Variants in ADARB1 observed in about 807,000 individuals in gnomAD.
ADARB1 encodes the protein adenosine deaminase RNA specific B1, also known as double-stranded RNA-specific editase 1.
A neutral mutation model predicts 52.4 loss-of-function variants in ADARB1; 10 were observed. The ratio of observed to expected loss-of-function variants is 0.19; its 90% CI spans 0.12 to 0.32. ADARB1 has a LOEUF of 0.32. ADARB1 is among the 10% of genes least tolerant of loss of function. The pLI, the probability that ADARB1 is intolerant of heterozygous loss-of-function variation, is 1.00. For missense variants in ADARB1, 643 were observed against 922.3 expected (o/e 0.70, Z 3.92); for synonymous variants, 349 against 371.1 (o/e 0.94, Z 0.68).
intron 2 of ADARB1, among the ~76,000 whole-genome samples, chr21:45,135,366 C>T (rs1310259367): frequency 2.0e-5 from 3 of 152,268 alleles, no homozygotes; most frequent in Non-Finnish European, 4.4e-5. Flanking sequence ...CTGTCTGCAT[C>T]CTCCTGGCAC....
chr21:45,151,927 C>T (rs138640234), intron 2 of ADARB1, among the ~76,000 whole-genome samples: 43 of 152,326 alleles, frequency 2.8e-4, no homozygotes, highest in African/African-American at 9.9e-4. Flanking sequence ...GTGTCATTCA[C>T]CTGGGGCATG....
At chr21:45,084,658 A>C (rs1281310576) in intron 1 of ADARB1, among the ~76,000 whole-genome samples, 3 of 152,212 alleles carry the variant, frequency 2.0e-5, no homozygotes, top group African/African-American at 7.2e-5. Flanking sequence ...GTAGTAGTTA[A>C]TATTTCATTA....
Position 45,208,724 on chromosome 21 carries a change from G to A in ADARB1, c.1747+3988G>A, listed in dbSNP as rs568609640. Among the ~76,000 whole-genome samples the A allele has an allele frequency of 6.6e-6, 1 of 152,048 alleles. No individual in the cohort carries two copies. Among genetic ancestry groups the A allele is most frequent in the South Asian group, 2.1e-4 (1 of 4,810 alleles). On this transcript the variant is annotated intron_variant, in intron 9 of 10. Transcript: ENST00000348831. This position sits in a 1 kb window ranked among gnomAD's most constrained non-coding sequence, Gnocchi z 5.6. ...TGCACGCTCACATGAGTGTATGAGA[G>A]AGAGAGTGTGTGTGTGTGTGTATGC...
At chr21:45,175,662 C>A (rs956880780) in intron 3 of ADARB1, 68 bp from the exon 4 acceptor site, 3 of 1,480,026 alleles carry the variant, frequency 2.0e-6, no homozygotes, top group Non-Finnish European at 2.8e-6. Flanking sequence ...CTAAAGGAAT[C>A]TATAAATTTT....
At chr21:45,131,580 TCTC>T (rs1229203806) in intron 2 of ADARB1, among the ~76,000 whole-genome samples, 1 of 152,146 alleles carries the variant, frequency 6.6e-6, no homozygotes, top group Non-Finnish European at 1.5e-5. Flanking sequence ...CTACGCCACT[TCTC>T]ATGTTGCTAC....
chr21:45,160,131 C>T (rs1569092608), intron 2 of ADARB1, among the ~76,000 whole-genome samples: 1 of 152,190 alleles, frequency 6.6e-6, no homozygotes. Flanking sequence ...CCAGGCCCAT[C>T]GGGTAGGGGC....
chr21:45,126,133 T>C (rs2088562762), intron 1 of ADARB1, among the ~76,000 whole-genome samples: 1 of 152,250 alleles, frequency 6.6e-6, no homozygotes, highest in Non-Finnish European at 1.5e-5. Flanking sequence ...CTAGTTATAC[T>C]TGGCTTGTTA....
rs147048438 is a variant in ADARB1 at position 45,163,034 on chromosome 21, C to CG, written c.-47-8574dup. On this transcript the variant is annotated intron_variant, in intron 2 of 10. Transcript: ENST00000348831. The stretch of plus-strand genomic sequence containing the variant: ...ACTCGGCCAACTGTCGTTTTGCAGA[C>CG]GGCAGGCTGGTCAGAGGCTTCCCAT... Among the ~76,000 whole-genome samples, 652 of 152,342 alleles carry CG rather than the reference C, an allele frequency of 4.3e-3. 6 individuals are homozygous for CG. Among genetic ancestry groups the CG allele is most frequent in the African/African-American group, 0.015 (615 of 41,578 alleles).
At chr21:45,132,032 T>C (rs964800861) in intron 2 of ADARB1, among the ~76,000 whole-genome samples, 1 of 152,240 alleles carries the variant, frequency 6.6e-6, no homozygotes, top group Non-Finnish European at 1.5e-5. Context: ...TCCTCAGATA[T>C]TGTGACAAAA....
chr21:45,153,851 A>T (rs2090426423), intron 2 of ADARB1, among the ~76,000 whole-genome samples: 1 of 152,172 alleles, frequency 6.6e-6, no homozygotes, highest in Non-Finnish European at 1.5e-5. Context: ...CCCTCACCTC[A>T]AGAGGTCACA....
intron 2 of ADARB1, among the ~76,000 whole-genome samples, chr21:45,138,030 G>A (rs541693818): frequency 6.6e-6 from 1 of 152,206 alleles, no homozygotes; most frequent in Non-Finnish European, 1.5e-5. Context: ...AGAAGCGATA[G>A]AGTATAGCTC....
chr21:45,086,007 G>A (rs1219472879), intron 1 of ADARB1, among the ~76,000 whole-genome samples: 2 of 152,238 alleles, frequency 1.3e-5, no homozygotes, highest in African/African-American at 4.8e-5. Flanking sequence ...AGCCCTTGCT[G>A]TAGGAAAAGG....
chr21:45,114,210 A>G (rs2087706368), intron 1 of ADARB1, among the ~76,000 whole-genome samples: 1 of 152,184 alleles, frequency 6.6e-6, no homozygotes, highest in Non-Finnish European at 1.5e-5. Context: ...CAGCTTTTAG[A>G]TGGAGTCATA....
chr21:45,209,685 A>C (rs2092731184), intron 9 of ADARB1, among the ~76,000 whole-genome samples: 1 of 152,110 alleles, frequency 6.6e-6, no homozygotes, highest in African/African-American at 2.4e-5. Context: ...CGTTACATTT[A>C]TCTATTTTCC....
At position 45,172,675 on chromosome 21, in the gene ADARB1, A is replaced by G. The variant is rs564452678; in HGVS notation, c.28+991A>G. Among the ~76,000 whole-genome samples, 7 of 152,206 alleles carry G rather than the reference A, an allele frequency of 4.6e-5. No homozygotes were observed. Among genetic ancestry groups the G allele is most frequent in the African/African-American group, 7.2e-5 (3 of 41,522 alleles). ...GTGGAGGCGGCTGGGCCTCTGCTCT[A>G]TGGACTGTGTGCTAAGTGTTGGCTT... On this transcript the variant is annotated intron_variant, in intron 3 of 10. Transcript: ENST00000348831. This position sits in a 1 kb window ranked among gnomAD's most constrained non-coding sequence, Gnocchi z 4.4.
In ADARB1 at chr21:45,126,085, A is replaced by G. The variant is rs186457207; in HGVS notation, c.-219-2317A>G. Among the ~76,000 whole-genome samples, 384 of 152,328 alleles carry G rather than the reference A, an allele frequency of 2.5e-3. 2 individuals are homozygous for G. Among genetic ancestry groups the G allele is most frequent in the Non-Finnish European group, 2.9e-3 (194 of 68,024 alleles). The stretch of plus-strand genomic sequence containing the variant: ...ATTTTCTTTTGTCTATGGATTATTT[A>G]GAAGTGTATTGCTGAACTCTCAGAC... On this transcript the variant is annotated intron_variant, in intron 1 of 10. Coordinates refer to ENST00000348831, the MANE Select transcript of ADARB1 (RefSeq NM_001112.4).
chr21:45,213,523 A>T (rs2092808274), intron 9 of ADARB1, among the ~76,000 whole-genome samples: 2 of 152,108 alleles, frequency 1.3e-5, no homozygotes, highest in Admixed American at 6.5e-5. Flanking sequence ...CCACTTCAAA[A>T]TTGTCTTAGT....
Position 45,224,739 on chromosome 21 carries a change from G to A in ADARB1, c.*2542G>A, listed in dbSNP as rs1347460473. ...GGGGAGCCCTGGGCGGGGCGGCTGT[G>A]GGGAGGAAGGTGACGTGCAGGGGAC... On this transcript the variant is annotated 3_prime_UTR_variant, in exon 11 of 11. Coordinates refer to ENST00000348831, the MANE Select transcript of ADARB1 (RefSeq NM_001112.4). The A allele has an allele frequency of 5.8e-5, 57 of 982,562 alleles. No individual in the cohort carries two copies. The highest frequency in any genetic ancestry group is 6.5e-5 in the Non-Finnish European group (54 of 831,354). 60.9% of individuals were successfully genotyped at this position (982,562 alleles called of 1,614,324 possible).
Position 45,222,832 on chromosome 21 carries a change from G to A in ADARB1, c.*635G>A. The A allele has an allele frequency of 1.0e-6, 1 of 985,544 alleles. No homozygotes were observed. The highest frequency in any genetic ancestry group is 1.2e-6 in the Non-Finnish European group (1 of 830,034). 61.0% of individuals were successfully genotyped at this position (985,544 alleles called of 1,614,324 possible). A position where few individuals can be genotyped will look rare whatever the true frequency, so the allele number is the denominator to read the frequency against. ...CTGAGGAGCAGACTCCCAGCATGGT[G>A]TAGCGTGGCCCTGTCATGCACATGG... On this transcript the variant is annotated 3_prime_UTR_variant, in exon 11 of 11. Transcript: ENST00000348831.
Sources: allele counts gnomAD v4.1 joint callset (sites outside exome capture counted in the v4.1 genomes callset), GRCh38; gene constraint gnomAD v4.1.1; non-coding constraint Gnocchi (gnomAD v3.1); transcripts MANE v1.5; gene names NCBI Gene and HGNC (gene_info 2026-07-23, HGNC 2026-07-21).